Variants in ZNF500 observed in about 807,000 individuals in gnomAD.
The protein encoded by ZNF500 is zinc finger protein 500.
Under a neutral mutation model 30.1 loss-of-function variants are expected in ZNF500, and 31 were observed. The ratio of observed to expected loss-of-function variants is 1.03; its 90% CI spans 0.77 to 1.39. ZNF500 has a LOEUF of 1.39. Among genes scored for constraint, ZNF500 ranks in the 40% most tolerant of loss-of-function variants. The probability of loss-of-function intolerance (pLI) is 0.00; values close to 1 mark genes in which losing one functional copy is unlikely to be tolerated. For missense variants in ZNF500, 817 were observed against 657.8 expected (o/e 1.24, Z -2.65); for synonymous variants, 392 against 282.0 (o/e 1.39, Z -3.91).
chr16:4,754,863 G>C (rs2082120419), intron 5 of ZNF500, among the ~76,000 whole-genome samples: 1 of 152,054 alleles, frequency 6.6e-6, no homozygotes. Flanking sequence ...AGGTGAGTGG[G>C]TCATGGAGGC....
At chr16:4,755,950 C>T (rs2082130550) in intron 5 of ZNF500, among the ~76,000 whole-genome samples, 1 of 152,190 alleles carries the variant, frequency 6.6e-6, no homozygotes, top group South Asian at 2.1e-4. Flanking sequence ...AAGCCAGTCA[C>T]CAAGGGACAG....
At position 4,752,963 on chromosome 16, in the gene ZNF500, G is replaced by A; in HGVS notation, c.856C>T (p.Pro286Ser). ...CTCTGACCTGGGAGCGGGTGGCCAG[G>A]CCCCTGGCATCGTGCCGAGAGCACT... ...YRVLSARCQG[P>S]GHPLPGQRPA... Residue 286 changes from proline (P) to serine (S), a missense_variant, in exon 6 of 6, where the codon CCT becomes TCT. Pro to Ser is a moderately conservative substitution (Grantham distance 74, BLOSUM62 -1). Coordinates refer to ENST00000219478, the MANE Select transcript of ZNF500 (RefSeq NM_021646.4). 1 of 1,608,930 alleles carries A rather than the reference G, an allele frequency of 6.2e-7. No homozygotes were observed. Among genetic ancestry groups the A allele is most frequent in the African/African-American group, 1.3e-5 (1 of 74,994 alleles).
chr16:4,766,768 G>C (rs2082268723), intron 1 of ZNF500, among the ~76,000 whole-genome samples: 1 of 152,216 alleles, frequency 6.6e-6, no homozygotes, highest in Non-Finnish European at 1.5e-5. Context: ...GATCCCCGGT[G>C]TCCAGGTCTG....
At chr16:4,744,749 C>A, downstream of ZNF500, 2 of 1,251,838 alleles carry the variant, frequency 1.6e-6, no homozygotes, top group Non-Finnish European at 2.2e-6. Context: ...TGGGCGGGGG[C>A]AGTGGAGGAG....
rs1368327040 is a variant in ZNF500, at chr16:4,766,000, C to A, written c.-22G>T. ...CCATTGCTTCCGGTGGGCCTTGTTC[C>A]TTTTCAGGCCTTAGAGTTGAACCTG... is the stretch of plus-strand genomic sequence containing the variant. On this transcript the variant is annotated 5_prime_UTR_variant, in exon 2 of 6. The change creates a new upstream start codon in the 5' untranslated region. Coordinates refer to ENST00000219478, the MANE Select transcript of ZNF500 (RefSeq NM_021646.4). 7.2e-6 allele frequency: 11 copies of A among 1,525,868 alleles called. No individual in the cohort carries two copies. The highest frequency in any genetic ancestry group is 9.6e-6 in the Non-Finnish European group (11 of 1,143,688). The allele number at this position is 1,525,868 out of a possible 1,614,324, so 94.5% of individuals were successfully genotyped here.
At chr16:4,762,816 C>G (rs2082221703) in intron 2 of ZNF500, 60 bp from the exon 3 acceptor site, 1 of 1,526,306 alleles carries the variant, frequency 6.6e-7, no homozygotes, top group African/African-American at 1.4e-5. Context: ...AAAATCCCCG[C>G]AGGGCCCCAC....
intron 2 of ZNF500, chr16:4,763,924 G>T (rs970762326): frequency 1.0e-6 from 1 of 985,332 alleles, no homozygotes; most frequent in African/African-American, 1.7e-5. Context: ...CAGGAAGAAA[G>T]GCAGCTGGTC....
chr16:4,762,113 C>T (rs1241695859), intron 4 of ZNF500, among the ~76,000 whole-genome samples, 158 bp downstream of exon 4: 1 of 152,158 alleles, frequency 6.6e-6, no homozygotes, highest in East Asian at 1.9e-4. Context: ...GGGGAAGTGA[C>T]TCCAGGGTTG....
At chr16:4,761,128 T>G (rs891412528) in intron 4 of ZNF500, among the ~76,000 whole-genome samples, 3 of 151,996 alleles carry the variant, frequency 2.0e-5, no homozygotes, top group Admixed American at 1.3e-4. Flanking sequence ...CTAGGGGGTT[T>G]TCGGGGAGGG....
rs369266568 is a variant in ZNF500, at chr16:4,762,748, C to T, written c.423G>A (p.Glu141=). The T allele has an allele frequency of 1.9e-6, 3 of 1,604,914 alleles. No homozygotes were observed. Among genetic ancestry groups the T allele is most frequent in the Non-Finnish European group, 2.6e-6 (3 of 1,175,408 alleles). ...GGGGCACCTCGTCATCAGAAAGCAG[C>T]TCTGAGCCCTGCACACAGACAGTGA... ...KPRKHRQRGS[E]LLSDDEVPLG... is the part of the protein sequence containing the mutation. Residue 141 remains glutamate, a synonymous_variant, in exon 3 of 6, where the codon GAG becomes GAA. Coordinates refer to ENST00000219478, the MANE Select transcript of ZNF500 (RefSeq NM_021646.4).
chr16:4,762,471 T>C, intron 3 of ZNF500, 102 bp downstream of exon 3: 1 of 1,511,396 alleles, frequency 6.6e-7, no homozygotes. Context: ...CTGTGCACCC[T>C]GCATCCAGGC....
At chr16:4,747,126 C>T (rs2082027677), downstream of ZNF500, 2 of 1,261,810 alleles carry the variant, frequency 1.6e-6, no homozygotes, top group Non-Finnish European at 2.2e-6. Context: ...TGAGGTCTTG[C>T]TGCACCCACC....
intron 2 of ZNF500, 36 bp from the exon 3 acceptor site, chr16:4,762,792 G>T: frequency 6.5e-7 from 1 of 1,540,374 alleles, no homozygotes. Context: ...CCAGCTCCCA[G>T]AAGGCCAGAA....
At chr16:4,763,198 G>A in intron 2 of ZNF500, 2 of 832,178 alleles carry the variant, frequency 2.4e-6, no homozygotes, top group Non-Finnish European at 2.9e-6. Context: ...AGGAGTTCGA[G>A]ACCAGCCTAA....
At chr16:4,759,198 G>C (rs1307542007) in intron 5 of ZNF500, among the ~76,000 whole-genome samples, 1 of 148,384 alleles carries the variant, frequency 6.7e-6, no homozygotes, top group East Asian at 2.0e-4. Context: ...CTGGGCAACA[G>C]AGCAAGACTT....
rs199910948 is a variant in ZNF500 at position 4,752,858 on chromosome 16, C to T, written c.961G>A (p.Ala321Thr). ...TCGGGGCAGGTGTACGGCTTGTCAG[C>T]CCCATGGGAAGCCCGTCTTCCTGGT... is the stretch of plus-strand genomic sequence containing the variant. ...PPPGRRASHG[A>T]DKPYTCPECG... is the part of the protein sequence containing the mutation. The change falls in exon 6 of 6, where the codon GCT (alanine) becomes ACT (threonine). Residue 321 changes from alanine (A) to threonine (T), a missense_variant. Ala to Thr is a moderately conservative substitution (Grantham distance 58, BLOSUM62 0). Transcript: ENST00000219478. 1.2e-6 allele frequency: 2 copies of T among 1,614,146 alleles called. No homozygotes were observed. Among genetic ancestry groups the T allele is most frequent in the South Asian group, 1.1e-5 (1 of 91,088 alleles).
intron 5 of ZNF500, among the ~76,000 whole-genome samples, chr16:4,759,015 G>A (rs1289596589): frequency 1.3e-5 from 2 of 152,238 alleles, no homozygotes; most frequent in Non-Finnish European, 2.9e-5. Context: ...TTCGAGACCA[G>A]CTTGGCCAAC....
chr16:4,757,925 G>A (rs532753322), intron 5 of ZNF500, among the ~76,000 whole-genome samples: 1 of 133,236 alleles, frequency 7.5e-6, no homozygotes, highest in African/African-American at 2.8e-5. Flanking sequence ...TTTTGACACA[G>A]AGTTTCGCTC....
At position 4,765,785 on chromosome 16, in the gene ZNF500, C is replaced by T. The variant is rs1411569876; in HGVS notation, c.194G>A (p.Arg65Gln). The change falls in exon 2 of 6, where the codon CGG (arginine) becomes CAG (glutamine). Residue 65 changes from arginine (R) to glutamine (Q), a missense_variant. Coordinates refer to ENST00000219478, the MANE Select transcript of ZNF500 (RefSeq NM_021646.4). ...LFCYQEVAGPREALSRLWELC... is the reference protein window; with the variant it reads ...LFCYQEVAGPQEALSRLWELC... ...CTCCCAGAGGCGGCTCAGGGCCTCC[C>T]GGGGCCCAGCCACCTCCTGGTAGCA... is the stretch of plus-strand genomic sequence containing the variant. The T allele has an allele frequency of 3.1e-6, 5 of 1,612,940 alleles. No homozygotes were observed. Among genetic ancestry groups the T allele is most frequent in the South Asian group, 1.1e-5 (1 of 91,040 alleles).
Sources: gnomAD v4.1 joint callset for allele counts (sites outside exome capture counted in the v4.1 genomes callset) on GRCh38, gnomAD v4.1.1 for gene constraint, MANE v1.5 for transcripts, NCBI Gene and HGNC (gene_info 2026-07-23, HGNC 2026-07-21) for gene names.